The following TBC1D12 variants were observed in gnomAD, a reference collection of about 807,000 sequenced individuals.
TBC1D12 encodes the protein TBC1 domain family, member 12.
TBC1D12 carries 56 observed loss-of-function variants against 86.7 expected under a neutral mutation model. The ratio of observed to expected loss-of-function variants is 0.65; its 90% CI spans 0.52 to 0.81. The LOEUF (loss-of-function observed/expected upper bound fraction) is 0.81, where lower values mean the gene tolerates loss of function less well. Ranked by LOEUF, TBC1D12 falls within the 30% of genes least tolerant of loss-of-function variation. TBC1D12 has a pLI of 0.00. For missense variants in TBC1D12, 1,023 were observed against 1,038.8 expected (o/e 0.98, Z 0.21); for synonymous variants, 421 against 411.7 (o/e 1.02, Z -0.27).
intron 2 of TBC1D12, among the ~76,000 whole-genome samples, chr10:94,444,031 C>T (rs1302298185): frequency 6.6e-6 from 1 of 151,962 alleles, no homozygotes; most frequent in Non-Finnish European, 1.5e-5. Flanking sequence ...ATTAGCCAGG[C>T]ATGGTGGTGC....
At chr10:94,527,226 G>A (rs1006238892) in intron 11 of TBC1D12, among the ~76,000 whole-genome samples, 1 of 151,926 alleles carries the variant, frequency 6.6e-6, no homozygotes, top group Non-Finnish European at 1.5e-5. Flanking sequence ...TCGAGTAGCT[G>A]GGACTACAGG....
rs1437371430 is a variant in TBC1D12 at position 94,437,212 on chromosome 10, AG to A, written c.972-4683del. Among the ~76,000 whole-genome samples the A allele has an allele frequency of 1.7e-3, 264 of 152,218 alleles. 1 individual carries two copies. The highest frequency in any genetic ancestry group is 6.1e-3 in the African/African-American group (255 of 41,550). On this transcript the variant is annotated intron_variant, in intron 1 of 12. Transcript: ENST00000225235. ...TTCAAAATTGTCTTTGAGTTTCAGC[AG>A]TTTGACTATAATGTATCTCAGTGTG...
At chr10:94,429,890 C>T (rs572413269) in intron 1 of TBC1D12, among the ~76,000 whole-genome samples, 24 of 152,176 alleles carry the variant, frequency 1.6e-4, no homozygotes, top group South Asian at 8.3e-4. Flanking sequence ...CGTGCCACCA[C>T]GCCTGCCTAA....
intron 3 of TBC1D12, among the ~76,000 whole-genome samples, chr10:94,483,056 T>TTG (rs1554944016): frequency 6.6e-6 from 1 of 150,804 alleles, no homozygotes; most frequent in Non-Finnish European, 1.5e-5. Context: ...TTTTTTTTTT[T>TTG]TGAGTCAGAG....
chr10:94,460,260 A>T (rs1419648045), intron 2 of TBC1D12, among the ~76,000 whole-genome samples: 1 of 152,168 alleles, frequency 6.6e-6, no homozygotes, highest in Non-Finnish European at 1.5e-5. Flanking sequence ...AAAAAGAAAA[A>T]TATCTTCTTT....
intron 3 of TBC1D12, among the ~76,000 whole-genome samples, chr10:94,477,174 T>G (rs1474155440): frequency 6.6e-6 from 1 of 152,208 alleles, no homozygotes; most frequent in Non-Finnish European, 1.5e-5. Flanking sequence ...TTCTGTGTGT[T>G]TGCTCCTTTG....
rs547041130 is a variant in TBC1D12 at position 94,498,556 on chromosome 10, C to T, written c.1412+1384C>T. 3.8e-4 allele frequency among the ~76,000 whole-genome samples: 58 copies of T among 152,078 alleles called. 1 individual carries two copies. Among genetic ancestry groups the T allele is most frequent in the African/African-American group, 1.1e-3 (45 of 41,502 alleles). On this transcript the variant is annotated intron_variant, in intron 5 of 12. Coordinates refer to ENST00000225235, the MANE Select transcript of TBC1D12 (RefSeq NM_015188.2). ...GCAACCTCTACCTCCTGGATTCAGA[C>T]GATTCTTATGCCTTAGTCTCCCTAG... is the stretch of plus-strand genomic sequence containing the variant.
chr10:94,533,672 T>G lies in TBC1D12; in HGVS notation c.*576T>G, dbSNP rs765429077. 6.6e-6 allele frequency: 1 copy of G among 152,182 alleles called. No homozygotes were observed. Among genetic ancestry groups the G allele is most frequent in the Non-Finnish European group, 1.5e-5 (1 of 68,018 alleles). The allele number at this position is 152,182 out of a possible 1,614,324, so 9.4% of individuals were successfully genotyped here. A position where few individuals can be genotyped will look rare whatever the true frequency, so the allele number is the denominator to read the frequency against. On this transcript the variant is annotated 3_prime_UTR_variant, in exon 13 of 13. Transcript: ENST00000225235. Reference sequence around the variant, plus strand: ...GGAAATGTTGGTGGGAGATTGTTTATTGTTTGTTTAGATGTTTTTCCATAG... The same window carrying G: ...GGAAATGTTGGTGGGAGATTGTTTAGTGTTTGTTTAGATGTTTTTCCATAG...
At chr10:94,465,736 G>GTATA (rs1163520137) in intron 2 of TBC1D12, among the ~76,000 whole-genome samples, 1 of 142,258 alleles carries the variant, frequency 7.0e-6, no homozygotes, top group Non-Finnish European at 1.5e-5. Context: ...ACATACATAC[G>GTATA]TATACATACA....
intron 11 of TBC1D12, among the ~76,000 whole-genome samples, chr10:94,528,865 G>GGA (rs397769710): frequency 6.7e-6 from 1 of 149,316 alleles, no homozygotes; most frequent in Non-Finnish European, 1.5e-5. Flanking sequence ...TGAGGAGGGG[G>GGA]AAGAGTACAG....
chr10:94,444,942 C>A (rs563016662), intron 2 of TBC1D12, among the ~76,000 whole-genome samples: 47 of 149,994 alleles, frequency 3.1e-4, no homozygotes, highest in South Asian at 1.5e-3. Context: ...CCGTGTTAGC[C>A]AGGATGGTCT....
chr10:94,502,280 C>T (rs1001649731), intron 6 of TBC1D12, among the ~76,000 whole-genome samples: 13 of 151,494 alleles, frequency 8.6e-5, no homozygotes, highest in Non-Finnish European at 1.6e-4. Flanking sequence ...TGCAGTGAGC[C>T]GAGATTGCGT....
At chr10:94,408,390 C>T (rs559897452) in intron 1 of TBC1D12, among the ~76,000 whole-genome samples, 1 of 152,184 alleles carries the variant, frequency 6.6e-6, no homozygotes, top group African/African-American at 2.4e-5. Context: ...TTTCACAGAG[C>T]TCTTTTTACA....
rs535714100 is a variant in TBC1D12 at position 94,531,941 on chromosome 10, T to C, written c.2259+481T>C. ...TGTCACCCAGGCTGGAGTGCAGTGG[T>C]GTGATCTCGGCTCACTGCAAGCTCC... On this transcript the variant is annotated intron_variant, in intron 12 of 12. Transcript: ENST00000225235. 2.0e-5 allele frequency among the ~76,000 whole-genome samples: 3 copies of C among 151,336 alleles called. No individual in the cohort carries two copies. In the East Asian group the frequency reaches 5.8e-4, roughly 29 times the overall value.
At chr10:94,475,974 C>G (rs2055982052) in intron 3 of TBC1D12, among the ~76,000 whole-genome samples, 1 of 152,028 alleles carries the variant, frequency 6.6e-6, no homozygotes, top group Non-Finnish European at 1.5e-5. Context: ...GAGTCTTGCT[C>G]TGACATCCAG....
chr10:94,484,553 T>C, intron 3 of TBC1D12, among the ~76,000 whole-genome samples: 1 of 152,190 alleles, frequency 6.6e-6, no homozygotes, highest in East Asian at 1.9e-4. Context: ...TTTGTTCTTT[T>C]TGCTCAAAAT....
chr10:94,533,149 GT>G lies in TBC1D12; in HGVS notation c.*59del. ...TAGAAAAAGTGGTTTTTGGATAAAG[GT>G]TTTTTGTTTCCTATGTAAAAGGCGT... is the stretch of plus-strand genomic sequence containing the variant. On this transcript the variant is annotated 3_prime_UTR_variant, in exon 13 of 13. Transcript: ENST00000225235. The G allele has an allele frequency of 1.7e-6, 2 of 1,197,832 alleles. No individual in the cohort carries two copies. Among genetic ancestry groups the G allele is most frequent in the Non-Finnish European group, 1.2e-6 (1 of 851,786 alleles). The allele number at this position is 1,197,832 out of a possible 1,614,324, so 74.2% of individuals were successfully genotyped here. A position where few individuals can be genotyped will look rare whatever the true frequency, so the allele number is the denominator to read the frequency against.
intron 3 of TBC1D12, among the ~76,000 whole-genome samples, chr10:94,483,243 G>A (rs985350115): frequency 6.6e-6 from 1 of 152,026 alleles, no homozygotes; most frequent in Non-Finnish European, 1.5e-5. Flanking sequence ...ATATTTCTTT[G>A]ATGTTCTGAT....
chr10:94,471,819 C>A (rs2055911907), intron 2 of TBC1D12, among the ~76,000 whole-genome samples: 1 of 152,126 alleles, frequency 6.6e-6, no homozygotes, highest in African/African-American at 2.4e-5. Flanking sequence ...TTAATACTTC[C>A]TTGATAATTT....
Sources: gnomAD v4.1 joint callset for allele counts (sites outside exome capture counted in the v4.1 genomes callset) on GRCh38, gnomAD v4.1.1 for gene constraint, MANE v1.5 for transcripts, NCBI Gene and HGNC (gene_info 2026-07-23, HGNC 2026-07-21) for gene names.